SLIT1: variants seen among roughly 807,000 people sequenced by gnomAD.
The protein encoded by SLIT1 is slit guidance ligand 1.
SLIT1 carries 66 observed loss-of-function variants against 186.1 expected under a neutral mutation model. The ratio of observed to expected loss-of-function variants is 0.35; its 90% confidence interval spans 0.29 to 0.44. SLIT1 has a LOEUF of 0.44. SLIT1 is among the 20% of genes least tolerant of loss of function. The probability of loss-of-function intolerance (pLI) is 1.00; values close to 1 mark genes in which losing one functional copy is unlikely to be tolerated. For synonymous variants in SLIT1, 761 were observed against 833.8 expected, an observed-to-expected ratio of 0.91 and a Z score of 1.50; for missense variants, 1,638 against 2,037.4, an observed-to-expected ratio of 0.80 and a Z score of 3.77.
intron 4 of SLIT1, among the ~76,000 whole-genome samples, chr10:97,136,593 C>G (rs562734908): frequency 3.3e-4 from 50 of 152,274 alleles, no homozygotes; most frequent in African/African-American, 1.2e-3. Context: ...TCTCCTTACA[C>G]GAAAATAAAA....
intron 1 of SLIT1, among the ~76,000 whole-genome samples, chr10:97,166,577 A>G (rs200982021): frequency 0.092 from 4,310 of 46,760 alleles, 185 homozygotes; most frequent in East Asian, 0.27. Context: ...GAGAGAAAGA[A>G]AGAAAGAAAG....
At chr10:97,027,048 A>G (rs1338447435) in intron 25 of SLIT1, among the ~76,000 whole-genome samples, 1 of 152,204 alleles carries the variant, frequency 6.6e-6, no homozygotes, top group Non-Finnish European at 1.5e-5. Flanking sequence ...CTGCGAGTGG[A>G]CAGGAGAGGC....
intron 1 of SLIT1, among the ~76,000 whole-genome samples, chr10:97,165,571 G>T (rs1564692337): frequency 6.6e-6 from 1 of 152,166 alleles, no homozygotes; most frequent in South Asian, 2.1e-4. Flanking sequence ...AGGGGTGAAG[G>T]GGGCAGCAGA....
In SLIT1 at chr10:97,083,528, G is replaced by A. The variant is rs1564670809; in HGVS notation, c.414-17442C>T. 2.0e-5 allele frequency among the ~76,000 whole-genome samples: 3 copies of A among 152,212 alleles called. No individual in the cohort carries two copies. The South Asian group carries it at 6.2e-4, about 32-fold the overall frequency. On this transcript the variant is annotated intron_variant, in intron 4 of 36. Coordinates refer to ENST00000266058, the MANE Select transcript of SLIT1 (RefSeq NM_003061.3). ...ATAATGTTGACATTGAGTCATCAAG[G>A]AAAGGTGAAATTATGTTCAGAGCCC...
intron 4 of SLIT1, among the ~76,000 whole-genome samples, chr10:97,080,448 T>C (rs1554849338): frequency 6.6e-6 from 1 of 152,248 alleles, no homozygotes; most frequent in Non-Finnish European, 1.5e-5. Context: ...GGTCAGCTAA[T>C]TCTGCAAAGG....
chr10:97,090,169 A>G (rs1849215211), intron 4 of SLIT1, among the ~76,000 whole-genome samples: 1 of 152,132 alleles, frequency 6.6e-6, no homozygotes, highest in Admixed American at 6.5e-5. Context: ...GGAGCCAAAA[A>G]CCACCCACAT....
chr10:97,118,154 C>T (rs1849525482), intron 4 of SLIT1, among the ~76,000 whole-genome samples: 1 of 152,184 alleles, frequency 6.6e-6, no homozygotes, highest in African/African-American at 2.4e-5. Context: ...CTGAATATCA[C>T]ATAATACTCA....
chr10:97,167,532 T>C (rs890082036), intron 1 of SLIT1, among the ~76,000 whole-genome samples: 1 of 152,246 alleles, frequency 6.6e-6, no homozygotes, highest in Non-Finnish European at 1.5e-5. Flanking sequence ...TCAGCACATC[T>C]GCAAAACCGA....
chr10:97,154,426 G>A (rs759071613), intron 4 of SLIT1: 1 of 152,230 alleles, frequency 6.6e-6, no homozygotes, highest in Non-Finnish European at 1.5e-5. Flanking sequence ...TACAGATGAG[G>A]TTAAGAAATG....
chr10:97,082,079 C>T (rs1188408356), intron 4 of SLIT1, among the ~76,000 whole-genome samples: 1 of 152,264 alleles, frequency 6.6e-6, no homozygotes, highest in Non-Finnish European at 1.5e-5. Flanking sequence ...CTGCAGTGCA[C>T]ATCACTAAGC....
intron 4 of SLIT1, among the ~76,000 whole-genome samples, chr10:97,103,957 A>G (rs1849387314): frequency 6.6e-6 from 1 of 152,198 alleles, no homozygotes; most frequent in Non-Finnish European, 1.5e-5. Context: ...TCACTCATGC[A>G]GTAACTACCT....
At position 97,043,390 on chromosome 10, in the gene SLIT1, G is replaced by T. The variant is rs934884957; in HGVS notation, c.1977C>A (p.Thr659=). 8 of 1,613,594 alleles carry T rather than the reference G, an allele frequency of 5.0e-6. No homozygotes were observed. Among genetic ancestry groups the T allele is most frequent in the African/African-American group, 1.3e-5 (1 of 74,906 alleles). Residue 659 remains threonine (T), a synonymous_variant, in exon 19 of 37, where the codon ACC becomes ACA. Coordinates refer to ENST00000266058, the MANE Select transcript of SLIT1 (RefSeq NM_003061.3). The surrounding 1 kb of genome is among the most constrained non-coding windows in gnomAD (Gnocchi z 7.0). ...CTCACAGTGTGGAGAGGGACTGGAG[G>T]GTGTCGAAGGCTCCTGGGGATACGG... ...ITTVSPGAFD[T]LQSLSTLNLL... is the part of the protein sequence containing the mutation.
At chr10:97,003,624 G>T (rs1848332059) in intron 34 of SLIT1, among the ~76,000 whole-genome samples, 1 of 152,138 alleles carries the variant, frequency 6.6e-6, no homozygotes. Context: ...GGTGGTAGAC[G>T]GGGTCATCTA....
chr10:97,013,864 A>G, intron 29 of SLIT1, 30 bp from the exon 30 acceptor site: 1 of 1,545,770 alleles, frequency 6.5e-7, no homozygotes, highest in Non-Finnish European at 8.8e-7. Context: ...GGGGCAGGAG[A>G]GAAGCTGCTC....
At chr10:97,060,906 A>G in intron 8 of SLIT1, 119 bp from the exon 9 acceptor site, 1 of 1,074,268 alleles carries the variant, frequency 9.3e-7, no homozygotes, top group South Asian at 1.7e-5. Flanking sequence ...ATAAGGATGA[A>G]CCAGAGGGGA....
At position 97,022,910 on chromosome 10, in the gene SLIT1, C is replaced by T. The variant is rs1848513627; in HGVS notation, c.2583-1497G>A. On this transcript the variant is annotated intron_variant, in intron 25 of 36. Coordinates refer to ENST00000266058, the MANE Select transcript of SLIT1 (RefSeq NM_003061.3). This position sits in a 1 kb window ranked among gnomAD's most constrained non-coding sequence, Gnocchi z 4.2. ...CTAAACAGCACGTCTTGGGAATCTT[C>T]CTGGTCAGCATATAAGCATCTATCT... 6.6e-6 allele frequency among the ~76,000 whole-genome samples: 1 copy of T among 152,210 alleles called. No individual in the cohort carries two copies. The highest frequency in any genetic ancestry group is 2.4e-5 in the African/African-American group (1 of 41,466).
chr10:97,141,666 TGCATTGTATC>T (rs1849759488), intron 4 of SLIT1, among the ~76,000 whole-genome samples: 2 of 124,026 alleles, frequency 1.6e-5, no homozygotes, highest in Non-Finnish European at 3.2e-5. Context: ...TGTATTGCAT[TGCATTGTATC>T]GTATTGTATC....
At chr10:97,087,146 G>T (rs1849169447) in intron 4 of SLIT1, among the ~76,000 whole-genome samples, 1 of 150,638 alleles carries the variant, frequency 6.6e-6, no homozygotes, top group African/African-American at 2.4e-5. Context: ...TGACTGGACT[G>T]GATAAGTGTA....
At chr10:97,152,185 C>G (rs1402944888) in intron 4 of SLIT1, among the ~76,000 whole-genome samples, 1 of 152,132 alleles carries the variant, frequency 6.6e-6, no homozygotes, top group Non-Finnish European at 1.5e-5. Flanking sequence ...TCACGGCCCT[C>G]CTGCCCACCA....
Sources: allele counts gnomAD v4.1 joint callset (sites outside exome capture counted in the v4.1 genomes callset), GRCh38; gene constraint gnomAD v4.1.1; non-coding constraint Gnocchi (gnomAD v3.1); transcripts MANE v1.5; gene names NCBI Gene and HGNC (gene_info 2026-07-23, HGNC 2026-07-21).